ADAR: variants seen among roughly 807,000 people sequenced by gnomAD.
ADAR encodes the protein adenosine deaminase RNA specific, also known as double-stranded RNA-specific adenosine deaminase.
Under a neutral mutation model 113.2 loss-of-function variants are expected in ADAR, and 41 were observed. The ratio of observed to expected loss-of-function variants is 0.36; its 90% CI spans 0.28 to 0.47. The LOEUF (loss-of-function observed/expected upper bound fraction) is 0.47, where lower values mean the gene tolerates loss of function less well. Among genes scored for constraint, ADAR ranks in the 20% least tolerant of loss-of-function variants. ADAR has a pLI of 1.00. For synonymous variants in ADAR, 605 were observed against 572.6 expected (o/e 1.06, Z -0.81); for missense variants, 1,242 against 1,540.9 (o/e 0.81, Z 3.25).
intron 1 of ADAR, among the ~76,000 whole-genome samples, chr1:154,603,797 C>A (rs1214401213): frequency 6.6e-6 from 1 of 152,112 alleles, no homozygotes; most frequent in Non-Finnish European, 1.5e-5. Context: ...CATTTACTCA[C>A]ACTCACCGCC....
chr1:154,601,251 T>C lies in ADAR; in HGVS notation c.1391A>G (p.Asn464Ser). ...CTCACCTGGTGCTGCGCGGATACTA[T>C]TCAAGTCATCTGGGATGTCATCTGT... is the stretch of plus-strand genomic sequence containing the variant. ...WATDDIPDDL[N>S]SIRAAPGEFR... The change falls in exon 2 of 15, where the codon AAT (asparagine) becomes AGT (serine). Residue 464 changes from asparagine to serine, a missense_variant. By Grantham distance (46) the Asn-to-Ser change is conservative. This residue lies in a region of ADAR where 780 missense variants were observed against 1,057.9 expected (regional missense o/e 0.74). Transcript: ENST00000368474. This position sits in a 1 kb window ranked among gnomAD's most constrained non-coding sequence, Gnocchi z 4.7. 6.2e-7 allele frequency: 1 copy of C among 1,614,236 alleles called. No individual in the cohort carries two copies. Among genetic ancestry groups the C allele is most frequent in the Non-Finnish European group, 8.5e-7 (1 of 1,180,042 alleles).
exon 1 of ADAR, chr1:154,627,918 T>TCCCCCCCCCCCCCCCCCCCCCCCCC: frequency 5.0e-6 from 2 of 399,616 alleles, no homozygotes; most frequent in Admixed American, 2.4e-5. Flanking sequence ...GCCGCGACCC[T>TCCCCCCCCCCCCCCCCCCCCCCCCC]CCCCCCACCC....
At chr1:154,600,884 G>T in intron 2 of ADAR, 157 bp downstream of exon 2, 1 of 1,049,784 alleles carries the variant, frequency 9.5e-7, no homozygotes, top group Non-Finnish European at 1.4e-6. Flanking sequence ...AATATCTGGA[G>T]AAAGGGCCAA....
intron 1 of ADAR, among the ~76,000 whole-genome samples, chr1:154,625,080 A>G (rs1250510130): frequency 6.6e-6 from 1 of 152,228 alleles, no homozygotes; most frequent in Non-Finnish European, 1.5e-5. Context: ...CCGTCATCCC[A>G]GCACAGTGTA....
upstream of ADAR, among the ~76,000 whole-genome samples, chr1:154,610,625 A>G (rs1316763649): frequency 6.6e-6 from 1 of 152,042 alleles, no homozygotes; most frequent in Non-Finnish European, 1.5e-5. Flanking sequence ...CCTGGCCAAC[A>G]TAGTGAAACC....
rs530251372 is a variant in ADAR, at chr1:154,584,455, G to A, written c.*351C>T. On this transcript the variant is annotated 3_prime_UTR_variant, in exon 15 of 15. Transcript: ENST00000368474. The stretch of plus-strand genomic sequence containing the variant: ...ATCAAGACCGCAAGAGGTCAGTGTA[G>A]CAAACACAAAGGGAAAGGAAATGGA... The A allele has an allele frequency of 9.9e-5, 28 of 282,182 alleles. No individual in the cohort carries two copies. The highest frequency in any genetic ancestry group is 6.0e-4 in the African/African-American group (27 of 45,304). The allele number at this position is 282,182 out of a possible 1,614,324, so 17.5% of individuals were successfully genotyped here.
chr1:154,609,303 A>G (rs998848671), upstream of ADAR, among the ~76,000 whole-genome samples: 3 of 152,210 alleles, frequency 2.0e-5, no homozygotes, highest in Admixed American at 2.0e-4. Flanking sequence ...ATTTTTGTTC[A>G]AGGTATCTGG....
At chr1:154,627,269 C>T (rs1454519933) in intron 1 of ADAR, among the ~76,000 whole-genome samples, 1 of 152,238 alleles carries the variant, frequency 6.6e-6, no homozygotes, top group Non-Finnish European at 1.5e-5. Context: ...GCCTCCTGCA[C>T]CAGGCCAGAC....
chr1:154,604,218 G>C (rs1213470509), intron 1 of ADAR, among the ~76,000 whole-genome samples: 1 of 152,236 alleles, frequency 6.6e-6, no homozygotes. Flanking sequence ...CAGGTAGTTT[G>C]TACCTGTGGG....
At chr1:154,588,391 C>T (rs931341861) in intron 10 of ADAR, 133 bp from the exon 11 acceptor site, 108 of 1,494,094 alleles carry the variant, frequency 7.2e-5, no homozygotes, top group Admixed American at 1.7e-5. Context: ...AGGTGGACAG[C>T]AGTACATGTG....
At chr1:154,585,557 G>A in intron 13 of ADAR, 196 bp downstream of exon 13, 2 of 897,300 alleles carry the variant, frequency 2.2e-6, no homozygotes, top group Non-Finnish European at 3.5e-6. Flanking sequence ...AAAAGCCCTT[G>A]GCATCCAAAA....
intron 6 of ADAR, among the ~76,000 whole-genome samples, chr1:154,596,251 G>T (rs545691462): frequency 6.6e-5 from 10 of 152,172 alleles, no homozygotes; most frequent in Non-Finnish European, 1.2e-4. Context: ...CAGCTTGAAT[G>T]ATTTTTTTCA....
intron 1 of ADAR, 128 bp downstream of exon 1, chr1:154,607,864 G>A (rs1028141801): frequency 7.0e-7 from 1 of 1,423,498 alleles, no homozygotes; most frequent in African/African-American, 1.5e-5. Flanking sequence ...AATGCTGCTT[G>A]GCAAGACGAC....
intron 1 of ADAR, among the ~76,000 whole-genome samples, chr1:154,620,940 C>G (rs1473982642): frequency 6.6e-6 from 1 of 152,168 alleles, no homozygotes. Flanking sequence ...GTCATCTTGG[C>G]TACATGCTGA....
chr1:154,584,842 G>A lies in ADAR; in HGVS notation c.3645C>T (p.Pro1215=). ...DMGYGNWISK[P]QEEKNFYLCP... ...AGAGATAAAAGTTCTTTTCCTCCTG[G>A]GGTTTGCTAATCCAGTTCCCATAGC... The change falls in exon 15 of 15, where the codon CCC becomes CCT. Residue 1215 remains proline, a synonymous_variant. Coordinates refer to ENST00000368474, the MANE Select transcript of ADAR (RefSeq NM_001111.5). 1 of 1,614,118 alleles carries A rather than the reference G, an allele frequency of 6.2e-7. No homozygotes were observed. Among genetic ancestry groups the A allele is most frequent in the Middle Eastern group, 1.7e-4 (1 of 6,034 alleles).
chr1:154,620,584 G>A (rs1231307229), intron 1 of ADAR, among the ~76,000 whole-genome samples: 2 of 152,114 alleles, frequency 1.3e-5, no homozygotes, highest in Non-Finnish European at 2.9e-5. Context: ...TCACACAATG[G>A]ATACTGACAC....
chr1:154,609,398 T>G (rs771913078), upstream of ADAR, among the ~76,000 whole-genome samples: 2 of 152,222 alleles, frequency 1.3e-5, no homozygotes, highest in African/African-American at 2.4e-5. Flanking sequence ...ACCCCCATGC[T>G]TATGAAATTA....
At chr1:154,618,721 G>GA (rs572849353) in intron 1 of ADAR, among the ~76,000 whole-genome samples, 3,594 of 141,930 alleles carry the variant, frequency 0.025, 64 homozygotes, top group Middle Eastern at 0.062. Flanking sequence ...TGGCTATTTG[G>GA]AAAAAAAAAA....
rs1379107405 is a variant in ADAR at position 154,588,677 on chromosome 1, CA to C, written c.2763-5del. On this transcript the variant is annotated splice_region_variant and splice_polypyrimidine_tract_variant and intron_variant, in intron 9 of 14. Coordinates refer to ENST00000368474, the MANE Select transcript of ADAR (RefSeq NM_001111.5). ...CATTAACTCACTGTAGAGAAACCTA[CA>C]AAAAGAAAGTCTGGTTAGGAAGGCA... is the stretch of plus-strand genomic sequence containing the variant. 6.2e-7 allele frequency: 1 copy of C among 1,613,974 alleles called. No homozygotes were observed. The highest frequency in any genetic ancestry group is 8.5e-7 in the Non-Finnish European group (1 of 1,180,014).
Sources: gnomAD v4.1 joint callset for allele counts (sites outside exome capture counted in the v4.1 genomes callset) on GRCh38, gnomAD v4.1.1 for gene constraint, gnomAD v4.1.1 regional missense constraint, Gnocchi (gnomAD v3.1) non-coding constraint, MANE v1.5 for transcripts, NCBI Gene and HGNC (gene_info 2026-07-23, HGNC 2026-07-21) for gene names.